The following IL1RAP variants were observed in gnomAD, a reference collection of about 807,000 sequenced individuals.
IL1RAP encodes the protein interleukin 1 receptor accessory protein.
A neutral mutation model predicts 60.7 loss-of-function variants in IL1RAP; 35 were observed. The ratio of observed to expected loss-of-function variants is 0.58; its 90% CI spans 0.44 to 0.76. The LOEUF (loss-of-function observed/expected upper bound fraction) is 0.76, where lower values mean the gene tolerates loss of function less well. Among genes scored for constraint, IL1RAP ranks in the 30% least tolerant of loss-of-function variants. The pLI is 0.00. For synonymous variants in IL1RAP, 268 were observed against 250.9 expected, an observed-to-expected ratio of 1.07 and a Z score of -0.64; for missense variants, 572 against 693.9, an observed-to-expected ratio of 0.82 and a Z score of 1.97.
Position 190,537,817 on chromosome 3 carries a change from G to A in IL1RAP, c.-88-18313G>A, listed in dbSNP as rs189660710. On this transcript the variant is annotated intron_variant, in intron 1 of 11. Transcript: ENST00000447382. ...ATACAGGGTTAAATCTACATAAGAC[G>A]TATACGATTTCTCCATGGCATATCA... Among the ~76,000 whole-genome samples the A allele has an allele frequency of 1.9e-3, 289 of 152,064 alleles. 3 individuals carry two copies. The highest frequency in any genetic ancestry group is 6.5e-3 in the African/African-American group (271 of 41,488).
intron 11 of IL1RAP, 39 bp downstream of exon 11, chr3:190,645,881 A>G (rs1343014958): frequency 1.3e-6 from 2 of 1,566,012 alleles, no homozygotes; most frequent in South Asian, 2.3e-5. Context: ...GCTACCTTGA[A>G]AGGCAGACAG....
intron 5 of IL1RAP, among the ~76,000 whole-genome samples, chr3:190,613,705 C>T (rs1036142541): frequency 1.3e-5 from 2 of 151,938 alleles, no homozygotes; most frequent in African/African-American, 4.8e-5. Flanking sequence ...TGGTGGCGCA[C>T]ACCTGTAGTC....
rs541213159 is a variant in IL1RAP at position 190,601,917 on chromosome 3, A to G, written c.65-2211A>G. Among the ~76,000 whole-genome samples, 4 of 152,256 alleles carry G rather than the reference A, an allele frequency of 2.6e-5. No homozygotes were observed. In the South Asian group the frequency reaches 8.3e-4, roughly 32 times the overall value. On this transcript the variant is annotated intron_variant, in intron 3 of 11. Transcript: ENST00000447382. ...CATAGTGACAACAGAGTTCCAAGAG[A>G]AAAAGCAAAATCTTTTAACTCTTAA... is the stretch of plus-strand genomic sequence containing the variant.
intron 1 of IL1RAP, among the ~76,000 whole-genome samples, chr3:190,543,351 C>G (rs1456365594): frequency 6.6e-6 from 1 of 152,088 alleles, no homozygotes; most frequent in Non-Finnish European, 1.5e-5. Flanking sequence ...ATCATTCACT[C>G]AATAATCCAG....
intron 9 of IL1RAP, chr3:190,629,857 T>C (rs1247027477): frequency 2.0e-6 from 2 of 987,068 alleles, no homozygotes; most frequent in Admixed American, 1.2e-4. Context: ...TGGTGAATTA[T>C]TAAGACCCTT....
At chr3:190,658,038 G>C (rs1208739352) in exon 12 of IL1RAP, 1 of 148,516 alleles carries the variant, frequency 6.7e-6, no homozygotes, top group Non-Finnish European at 1.5e-5. Flanking sequence ...CTTGGTGACA[G>C]AGCAAGACTC....
intron 5 of IL1RAP, among the ~76,000 whole-genome samples, chr3:190,610,282 AACT>A (rs1487700693): frequency 6.6e-6 from 1 of 152,160 alleles, no homozygotes; most frequent in Non-Finnish European, 1.5e-5. Context: ...ATTCAGAAAA[AACT>A]ACTATTTCCT....
At chr3:190,568,800 A>C (rs182836043) in intron 3 of IL1RAP, among the ~76,000 whole-genome samples, 62 of 152,350 alleles carry the variant, frequency 4.1e-4, no homozygotes, top group African/African-American at 1.4e-3. Flanking sequence ...TTAGCTACTT[A>C]AATTCTTTCT....
intron 3 of IL1RAP, among the ~76,000 whole-genome samples, chr3:190,568,093 A>C (rs966622028): frequency 1.3e-5 from 2 of 152,222 alleles, no homozygotes; most frequent in African/African-American, 4.8e-5. Context: ...TTTGCTGGAC[A>C]AATCACATGA....
chr3:190,602,605 T>C (rs1255318143), intron 3 of IL1RAP, among the ~76,000 whole-genome samples: 1 of 152,214 alleles, frequency 6.6e-6, no homozygotes, highest in Non-Finnish European at 1.5e-5. Flanking sequence ...ATGGAATTTA[T>C]AATGGTTAAA....
chr3:190,572,353 C>G (rs2108649739), intron 3 of IL1RAP, among the ~76,000 whole-genome samples: 1 of 151,916 alleles, frequency 6.6e-6, no homozygotes, highest in South Asian at 2.1e-4. Flanking sequence ...TTCTACATGT[C>G]TTTTTGTCAT....
chr3:190,527,826 T>C (rs1357371851), intron 1 of IL1RAP, among the ~76,000 whole-genome samples: 1 of 139,622 alleles, frequency 7.2e-6, no homozygotes, highest in Non-Finnish European at 1.6e-5. Context: ...AGGAAAGGTC[T>C]ACACACACAC....
chr3:190,567,252 G>A (rs2108636312), intron 3 of IL1RAP, among the ~76,000 whole-genome samples: 1 of 152,242 alleles, frequency 6.6e-6, no homozygotes, highest in African/African-American at 2.4e-5. Context: ...CATCTTAGGT[G>A]ATGATAAAAG....
downstream of IL1RAP, among the ~76,000 whole-genome samples, chr3:190,651,934 C>T (rs1734419380): frequency 6.6e-6 from 1 of 152,048 alleles, no homozygotes; most frequent in Admixed American, 6.6e-5. Context: ...CAACTTGGAA[C>T]TTAGGTCGTT....
At chr3:190,557,980 G>A (rs947179536) in intron 2 of IL1RAP, among the ~76,000 whole-genome samples, 4 of 151,884 alleles carry the variant, frequency 2.6e-5, no homozygotes, top group Non-Finnish European at 2.9e-5. Flanking sequence ...ATCTGTTCTC[G>A]GTCACTCCAG....
At chr3:190,604,608 C>T (rs1730140893) in intron 4 of IL1RAP, among the ~76,000 whole-genome samples, 195 bp downstream of exon 4, 1 of 152,122 alleles carries the variant, frequency 6.6e-6, no homozygotes, top group Non-Finnish European at 1.5e-5. Flanking sequence ...TTAGAATGTT[C>T]TCCAGAGGTA....
chr3:190,543,825 C>T (rs553033050), intron 1 of IL1RAP, among the ~76,000 whole-genome samples: 75 of 152,242 alleles, frequency 4.9e-4, no homozygotes, highest in African/African-American at 1.7e-3. Context: ...ATGTCAGTGA[C>T]GGACATCAGG....
At chr3:190,525,362 A>T (rs1722419569) in intron 1 of IL1RAP, among the ~76,000 whole-genome samples, 1 of 152,236 alleles carries the variant, frequency 6.6e-6, no homozygotes, top group Non-Finnish European at 1.5e-5. Flanking sequence ...TGAGGTCGTC[A>T]CTGAGGTGGT....
At position 190,518,282 on chromosome 3, in the gene IL1RAP, G is replaced by A. The variant is rs74746790; in HGVS notation, c.-89+4063G>A. ...CTAGGAAATAGGGACACTGATGCCT[G>A]CTTAGAAGCTTAAGTCCCTATTTAT... is the stretch of plus-strand genomic sequence containing the variant. On this transcript the variant is annotated intron_variant, in intron 1 of 11. Coordinates refer to ENST00000447382, the MANE Select transcript of IL1RAP (RefSeq NM_002182.4). Among the ~76,000 whole-genome samples the A allele has an allele frequency of 1.2e-3, 184 of 152,192 alleles. 3 individuals carry two copies. In the East Asian group the frequency reaches 0.017, roughly 14 times the overall value.
Sources: allele counts gnomAD v4.1 joint callset (sites outside exome capture counted in the v4.1 genomes callset), GRCh38; gene constraint gnomAD v4.1.1; transcripts MANE v1.5; gene names NCBI Gene and HGNC (gene_info 2026-07-23, HGNC 2026-07-21).